The following DBN1 variants were observed in gnomAD, a reference collection of about 807,000 sequenced individuals.
DBN1 encodes drebrin.
DBN1 carries 21 observed loss-of-function variants against 83.5 expected under a neutral mutation model. The observed-to-expected ratio is 0.25, with a 90% confidence interval of 0.18 to 0.36. The LOEUF is 0.36. Among genes scored for constraint, DBN1 ranks in the 10% least tolerant of loss-of-function variants. The pLI is 1.00. For missense variants in DBN1, 874 were observed against 935.7 expected (o/e 0.93, Z 0.86); for synonymous variants, 381 against 384.9 (o/e 0.99, Z 0.12).
Position 177,467,014 on chromosome 5 carries a change from C to G in DBN1, c.604G>C (p.Glu202Gln), listed in dbSNP as rs1248083041. ...CGCTCCTGCTCGAACCTGAGCCTCT[C>G]ATCCAGGGCCTTCTTCCGCTCCTCC... ...KEEERKKALD[E>Q]RLRFEQERME... The change falls in exon 7 of 15, where the codon GAG (glutamate) becomes CAG (glutamine). Residue 202 changes from glutamate (E) to glutamine (Q), a missense_variant. Physicochemically the swap from Glu to Gln is conservative, Grantham distance 29. Around this residue, in one of 4 missense-constraint regions of DBN1, gnomAD observed 725 missense variants for 719.7 expected, o/e 1.01. Coordinates refer to ENST00000393565, the MANE Select transcript of DBN1 (RefSeq NM_001363541.2). The surrounding 1 kb of genome is among the most constrained non-coding windows in gnomAD (Gnocchi z 9.1). 4 of 1,613,748 alleles carry G rather than the reference C, an allele frequency of 2.5e-6. No homozygotes were observed. The highest frequency in any genetic ancestry group is 3.4e-6 in the Non-Finnish European group (4 of 1,179,958).
chr5:177,460,235 A>T (rs1488133450), intron 10 of DBN1, among the ~76,000 whole-genome samples, 197 bp downstream of exon 10: 1 of 152,210 alleles, frequency 6.6e-6, no homozygotes, highest in East Asian at 1.9e-4. Flanking sequence ...GTTCAGCCAC[A>T]AGCGACTTCA....
intron 10 of DBN1, among the ~76,000 whole-genome samples, chr5:177,460,163 G>A (rs991964320): frequency 1.6e-4 from 25 of 152,348 alleles, no homozygotes; most frequent in South Asian, 4.1e-4. Context: ...GCTGCTCCCC[G>A]TGGCCAGCGC....
chr5:177,461,300 G>A (rs1019437178), intron 8 of DBN1, among the ~76,000 whole-genome samples: 20 of 151,138 alleles, frequency 1.3e-4, no homozygotes, highest in Admixed American at 2.0e-4. Flanking sequence ...GGGTTTCACC[G>A]TTTTAGCCGG....
chr5:177,456,691 A>AAAAC lies in DBN1; in HGVS notation c.*741_*742insGTTT, dbSNP rs1554102034. ...TGCTTTCCAAAAAAAAAAAAAAAAAAAAAAAAAAAACAGTTACTAAACGTG... is the reference window on the plus strand; with the variant it reads ...TGCTTTCCAAAAAAAAAAAAAAAAAAAAACAAAAAAAAAACAGTTACTAAACGTG... On this transcript the variant is annotated 3_prime_UTR_variant, in exon 15 of 15. Transcript: ENST00000393565. 1.3e-3 allele frequency: 193 copies of AAAAC among 151,352 alleles called. 2 individuals are homozygous for AAAAC. The highest frequency in any genetic ancestry group is 3.8e-3 in the African/African-American group (154 of 40,912). 9.4% of individuals were successfully genotyped at this position (151,352 alleles called of 1,614,324 possible).
Position 177,467,869 on chromosome 5 carries a change from C to A in DBN1, c.256-52G>T. 6.3e-7 allele frequency: 1 copy of A among 1,580,048 alleles called. No individual in the cohort carries two copies. The highest frequency in any genetic ancestry group is 8.6e-7 in the Non-Finnish European group (1 of 1,158,128). ...TCAGGAAAGGACAAGGGGGGCCCTA[C>A]ACGATAGGGTGCATCTTCCCCGGGG... On this transcript the variant is annotated intron_variant, in intron 3 of 14. Transcript: ENST00000393565. This position sits in a 1 kb window ranked among gnomAD's most constrained non-coding sequence, Gnocchi z 9.1.
In DBN1 at chr5:177,467,726, T is replaced by C. The variant is rs1365338945; in HGVS notation, c.330+17A>G. ...TGGCTGTCCCCACCCCCAAGAGCGCTGGCCCCTGACACGCACCTGGAAGAA... is the reference window on the plus strand; with the variant it reads ...TGGCTGTCCCCACCCCCAAGAGCGCCGGCCCCTGACACGCACCTGGAAGAA... On this transcript the variant is annotated intron_variant, in intron 4 of 14. Transcript: ENST00000393565. This position sits in a 1 kb window ranked among gnomAD's most constrained non-coding sequence, Gnocchi z 9.1. 5.2e-6 allele frequency: 8 copies of C among 1,552,474 alleles called. No homozygotes were observed. The highest frequency in any genetic ancestry group is 1.4e-5 in the African/African-American group (1 of 73,112).
intron 1 of DBN1, among the ~76,000 whole-genome samples, chr5:177,469,774 C>A (rs895785908): frequency 6.6e-6 from 1 of 152,228 alleles, no homozygotes; most frequent in African/African-American, 2.4e-5. Flanking sequence ...TCCTCCATCA[C>A]CCCATGCAGG....
At chr5:177,459,017 G>A (rs1306221719) in intron 12 of DBN1, 81 bp downstream of exon 12, 3 of 1,533,424 alleles carry the variant, frequency 2.0e-6, no homozygotes, top group African/African-American at 2.8e-5. Context: ...GATCCCTGGA[G>A]AACGGTTACC....
Position 177,460,703 on chromosome 5 carries a change from C to T in DBN1, c.772G>A (p.Gly258Ser), listed in dbSNP as rs537500258. The stretch of plus-strand genomic sequence containing the variant: ...TCTTCCTCCTCATCCCGATGGTCAC[C>T]CTAGAAACCAAAGGGACAGTGTCTG... ...KRRLKEQSIF[G>S]DHRDEEEETH... The change falls in exon 9 of 15, where the codon GGT (glycine) becomes AGT (serine). Residue 258 changes from glycine (G) to serine (S), a missense_variant and splice_region_variant. Physicochemically the swap from Gly to Ser is moderately conservative, Grantham distance 56. Around this residue, in one of 4 missense-constraint regions of DBN1, gnomAD observed 725 missense variants for 719.7 expected, o/e 1.01. Coordinates refer to ENST00000393565, the MANE Select transcript of DBN1 (RefSeq NM_001363541.2). The T allele has an allele frequency of 6.2e-6, 10 of 1,613,854 alleles. No homozygotes were observed. The East Asian group carries it at 8.9e-5, about 14-fold the overall frequency.
chr5:177,472,146 C>A (rs777358148), intron 1 of DBN1: 3 of 1,612,606 alleles, frequency 1.9e-6, no homozygotes, highest in Non-Finnish European at 2.5e-6. Flanking sequence ...TTGTCTCTCG[C>A]GTCCATCCCT....
Position 177,467,286 on chromosome 5 carries a change from A to G in DBN1, c.524T>C (p.Ile175Thr). ...CTGCTCCCAGAACTGCTCTCGGTTAATCCGCTTCATTTCCACAGCTGCATC... is the reference window on the plus strand; with the variant it reads ...CTGCTCCCAGAACTGCTCTCGGTTAGTCCGCTTCATTTCCACAGCTGCATC... ...KTDAAVEMKR[I>T]NREQFWEQAK... Residue 175 changes from isoleucine (I) to threonine (T), a missense_variant, in exon 6 of 15, where the codon ATT becomes ACT. This residue lies in a region of DBN1 where 725 missense variants were observed against 719.7 expected (regional missense o/e 1.01). Coordinates refer to ENST00000393565, the MANE Select transcript of DBN1 (RefSeq NM_001363541.2). The surrounding 1 kb of genome is among the most constrained non-coding windows in gnomAD (Gnocchi z 9.1). 1 of 1,614,106 alleles carries G rather than the reference A, an allele frequency of 6.2e-7. No individual in the cohort carries two copies. The highest frequency in any genetic ancestry group is 1.3e-5 in the African/African-American group (1 of 75,014).
chr5:177,469,322 C>G (rs909661616), intron 1 of DBN1, among the ~76,000 whole-genome samples: 1 of 151,996 alleles, frequency 6.6e-6, no homozygotes, highest in Non-Finnish European at 1.5e-5. Flanking sequence ...GCCCCTCCCC[C>G]GGGGAGGGAG....
intron 12 of DBN1, 106 bp from the exon 13 acceptor site, chr5:177,458,813 T>C (rs1756774692): frequency 8.5e-7 from 1 of 1,174,776 alleles, no homozygotes; most frequent in African/African-American, 1.6e-5. Flanking sequence ...TCCATGCAGG[T>C]GTCCCACTGC....
intron 1 of DBN1, among the ~76,000 whole-genome samples, chr5:177,469,962 AGAG>A (rs968060497): frequency 2.0e-5 from 3 of 152,194 alleles, no homozygotes; most frequent in Admixed American, 1.3e-4. Context: ...GAGAAGAGAA[AGAG>A]GAGGGGAGAA....
At chr5:177,463,726 C>T (rs532041524) in intron 8 of DBN1, among the ~76,000 whole-genome samples, 28 of 152,344 alleles carry the variant, frequency 1.8e-4, no homozygotes, top group Middle Eastern at 6.8e-3. Flanking sequence ...ATGGTAAGCT[C>T]CTTCAGACTT....
chr5:177,468,804 G>T (rs371358974), intron 2 of DBN1, 40 bp downstream of exon 2: 3 of 1,293,704 alleles, frequency 2.3e-6, no homozygotes, highest in Non-Finnish European at 3.0e-6. Context: ...CCAGGAGGAG[G>T]GGGTGGAGAA....
chr5:177,460,020 C>T (rs1386551186), intron 10 of DBN1, among the ~76,000 whole-genome samples: 5 of 152,322 alleles, frequency 3.3e-5, no homozygotes, highest in South Asian at 4.1e-4. Context: ...TCAGGAGAGG[C>T]GGAAGCAGCA....
intron 1 of DBN1, 59 bp downstream of exon 1, chr5:177,473,377 A>G: frequency 9.7e-7 from 1 of 1,035,424 alleles, no homozygotes; most frequent in Non-Finnish European, 1.3e-6. Context: ...CGGGAGAGAA[A>G]CAAAGGCGCG....
chr5:177,466,578 T>C lies in DBN1; in HGVS notation c.771+194A>G, dbSNP rs1421139009. On this transcript the variant is annotated intron_variant, in intron 8 of 14. Transcript: ENST00000393565. This position sits in a 1 kb window ranked among gnomAD's most constrained non-coding sequence, Gnocchi z 4.8. ...GCACAAGCTTCTCCAAAGTAGTCTT[T>C]TTCCACGGCCAGAGGCCAGAGCCCC... Among the ~76,000 whole-genome samples, 1 of 152,152 alleles carries C rather than the reference T, an allele frequency of 6.6e-6. No individual in the cohort carries two copies. The highest frequency in any genetic ancestry group is 1.9e-4 in the East Asian group (1 of 5,188).
Sources: allele counts gnomAD v4.1 joint callset (sites outside exome capture counted in the v4.1 genomes callset), GRCh38; gene constraint gnomAD v4.1.1; regional missense constraint gnomAD v4.1.1; non-coding constraint Gnocchi (gnomAD v3.1); transcripts MANE v1.5; gene names NCBI Gene and HGNC (gene_info 2026-07-23, HGNC 2026-07-21).